Variants in SUFU observed in about 807,000 individuals in gnomAD.
SUFU encodes suppressor of fused homolog.
In SUFU, 7 loss-of-function variants were observed where a neutral mutation model predicts 58.9. The observed-to-expected ratio is 0.12, with a 90% confidence interval of 0.07 to 0.22. The LOEUF is 0.22. Ranked by LOEUF, SUFU falls within the 10% of genes least tolerant of loss-of-function variation. SUFU has a pLI of 1.00. For synonymous variants in SUFU, 232 were observed against 254.8 expected (o/e 0.91, Z 0.85); for missense variants, 451 against 641.3 (o/e 0.70, Z 3.20).
intron 3 of SUFU, among the ~76,000 whole-genome samples, chr10:102,560,692 G>A (rs1253163647): frequency 6.6e-6 from 1 of 152,092 alleles, no homozygotes; most frequent in Non-Finnish European, 1.5e-5. Context: ...TTTTTAACGC[G>A]ACACTTTTTT....
At chr10:102,567,006 C>CTTTT (rs1175563323) in intron 3 of SUFU, among the ~76,000 whole-genome samples, 5,137 of 64,610 alleles carry the variant, frequency 0.08, 735 homozygotes, top group African/African-American at 0.082. Context: ...GAAACAGGCT[C>CTTTT]TTTTTTTTTT....
chr10:102,623,925 G>A lies in SUFU; in HGVS notation c.1297-3250G>A, dbSNP rs1055158038. ...ACTGCACTCCAGCCTGGGCGATAGG[G>A]CAAGAGATTCCATCTAAAAAATAAA... On this transcript the variant is annotated intron_variant, in intron 10 of 11. Transcript: ENST00000369902. Among the ~76,000 whole-genome samples, 3 of 152,078 alleles carry A rather than the reference G, an allele frequency of 2.0e-5. No individual in the cohort carries two copies. In the South Asian group the frequency reaches 6.2e-4, roughly 31 times the overall value.
chr10:102,606,295 C>T (rs2063562082), intron 8 of SUFU, among the ~76,000 whole-genome samples: 1 of 152,208 alleles, frequency 6.6e-6, no homozygotes, highest in Admixed American at 6.5e-5. Flanking sequence ...TGAAATAGAT[C>T]AGTTTAGATC....
chr10:102,562,758 G>T (rs1218716635), intron 3 of SUFU, among the ~76,000 whole-genome samples: 1 of 151,820 alleles, frequency 6.6e-6, no homozygotes, highest in Non-Finnish European at 1.5e-5. Context: ...GAGAATGATG[G>T]TGCATATCTG....
intron 2 of SUFU, among the ~76,000 whole-genome samples, chr10:102,532,917 T>G (rs537730379): frequency 6.6e-6 from 1 of 152,298 alleles, no homozygotes; most frequent in Admixed American, 6.5e-5. Context: ...GTTTCCATTT[T>G]GGGAACAACA....
intron 3 of SUFU, among the ~76,000 whole-genome samples, chr10:102,576,568 T>C (rs1352202898): frequency 6.6e-6 from 1 of 152,240 alleles, no homozygotes; most frequent in Non-Finnish European, 1.5e-5. Flanking sequence ...TCATTCCTCC[T>C]TGTGACATGT....
chr10:102,594,521 T>C (rs2063440466), intron 6 of SUFU, among the ~76,000 whole-genome samples: 1 of 152,048 alleles, frequency 6.6e-6, no homozygotes, highest in South Asian at 2.1e-4. Context: ...AATGGTCCTA[T>C]CCCCATTTTC....
Position 102,619,050 on chromosome 10 carries a change from T to A in SUFU, c.1296+1622T>A. 6.2e-7 allele frequency: 1 copy of A among 1,612,578 alleles called. No homozygotes were observed. The highest frequency in any genetic ancestry group is 8.5e-7 in the Non-Finnish European group (1 of 1,179,812). ...CCAAACTGCAGAATCTACCCAGTTA[T>A]GTTTGACATCCTCAGCTCTGAACCT... is the stretch of plus-strand genomic sequence containing the variant. On this transcript the variant is annotated intron_variant, in intron 10 of 11. Coordinates refer to ENST00000369902, the MANE Select transcript of SUFU (RefSeq NM_016169.4). The surrounding 1 kb of genome is among the most constrained non-coding windows in gnomAD (Gnocchi z 4.2).
intron 2 of SUFU, among the ~76,000 whole-genome samples, chr10:102,543,688 C>A (rs886081938): frequency 6.6e-6 from 1 of 152,092 alleles, no homozygotes; most frequent in African/African-American, 2.4e-5. Flanking sequence ...TTATATATTA[C>A]GAATTATACA....
chr10:102,558,850 C>T (rs1024168959), intron 3 of SUFU, among the ~76,000 whole-genome samples: 2 of 152,196 alleles, frequency 1.3e-5, no homozygotes, highest in Non-Finnish European at 2.9e-5. Context: ...GGAGCGGGCA[C>T]TTTCTGTTCT....
At chr10:102,510,850 G>A (rs1191531537) in intron 2 of SUFU, among the ~76,000 whole-genome samples, 2 of 151,504 alleles carry the variant, frequency 1.3e-5, no homozygotes, top group Non-Finnish European at 2.9e-5. Context: ...GCTGGGTGTG[G>A]TGGCTCACGC....
intron 7 of SUFU, among the ~76,000 whole-genome samples, chr10:102,597,888 G>A (rs1418753397): frequency 6.6e-6 from 1 of 152,254 alleles, no homozygotes; most frequent in Non-Finnish European, 1.5e-5. Flanking sequence ...GAATCTCCCT[G>A]TGCTGATCTT....
At chr10:102,503,937 C>A (rs1245923609), upstream of SUFU, 2 of 586,116 alleles carry the variant, frequency 3.4e-6, no homozygotes, top group African/African-American at 2.0e-5. Flanking sequence ...GCCCCGCCCC[C>A]CTTAGCGCCC....
In SUFU at chr10:102,550,064, G is replaced by T. The variant is rs34406289; in HGVS notation, c.412G>T (p.Ala138Ser). The stretch of plus-strand genomic sequence containing the variant: ...GGAGTCTGCCCCACCAACATGGCCC[G>T]CAGAGTTAATGCAGGGCTTGGCACG... ...TGESAPPTWP[A>S]ELMQGLARYV... The change falls in exon 3 of 12, where the codon GCA becomes TCA. Residue 138 changes from alanine (A) to serine (S), a missense_variant. Transcript: ENST00000369902. 1.9e-6 allele frequency: 3 copies of T among 1,614,172 alleles called. No homozygotes were observed. In the South Asian group the frequency reaches 3.3e-5, roughly 18 times the overall value.
At chr10:102,591,578 T>C (rs1013829974) in intron 3 of SUFU, 1 of 151,428 alleles carries the variant, frequency 6.6e-6, no homozygotes, top group Non-Finnish European at 1.5e-5. Context: ...AGAAGATTAG[T>C]ATGGCCCCTG....
At chr10:102,534,488 G>A (rs922422457) in intron 2 of SUFU, among the ~76,000 whole-genome samples, 7 of 152,216 alleles carry the variant, frequency 4.6e-5, no homozygotes, top group Admixed American at 2.6e-4. Flanking sequence ...AGTCCCCTAG[G>A]GGACAGGCGG....
chr10:102,549,523 C>G (rs932488624), intron 2 of SUFU, among the ~76,000 whole-genome samples: 3 of 152,214 alleles, frequency 2.0e-5, no homozygotes, highest in African/African-American at 2.4e-5. Flanking sequence ...GGTGGGGACA[C>G]AGAGCCAAAC....
intron 3 of SUFU, among the ~76,000 whole-genome samples, chr10:102,589,437 T>TCTTC (rs2063371255): frequency 9.1e-6 from 1 of 109,878 alleles, no homozygotes; most frequent in Non-Finnish European, 1.8e-5. Flanking sequence ...GTATTTTCTT[T>TCTTC]CTTTCTTTTT....
chr10:102,576,685 TTA>T (rs1360702188), intron 3 of SUFU, among the ~76,000 whole-genome samples: 1 of 152,198 alleles, frequency 6.6e-6, no homozygotes, highest in Non-Finnish European at 1.5e-5. Flanking sequence ...CCATACTAGT[TTA>T]TAGGTCCATG....
Sources: gnomAD v4.1 joint callset for allele counts (sites outside exome capture counted in the v4.1 genomes callset) on GRCh38, gnomAD v4.1.1 for gene constraint, Gnocchi (gnomAD v3.1) non-coding constraint, MANE v1.5 for transcripts, NCBI Gene and HGNC (gene_info 2026-07-23, HGNC 2026-07-21) for gene names.